Variants in HEMGN observed in about 807,000 individuals in gnomAD.
HEMGN encodes the protein hemogen, also known as erythroid differentiation-associated gene protein.
HEMGN carries 32 observed loss-of-function variants against 45.7 expected under a neutral mutation model. That is an observed-to-expected ratio of 0.70 (90% confidence interval 0.53 to 0.94). The LOEUF (loss-of-function observed/expected upper bound fraction) is 0.94. Ranked by LOEUF, HEMGN falls within the 40% of genes least tolerant of loss-of-function variation. The pLI, the probability that HEMGN is intolerant of heterozygous loss-of-function variation, is 0.00. For synonymous variants in HEMGN, 183 were observed against 178.6 expected (o/e 1.02, Z -0.20); for missense variants, 530 against 564.2 (o/e 0.94, Z 0.61).
upstream of HEMGN, among the ~76,000 whole-genome samples, chr9:97,942,174 G>A (rs528771851): frequency 6.6e-6 from 1 of 152,144 alleles, no homozygotes; most frequent in African/African-American, 2.4e-5. Context: ...TGAAGAAACT[G>A]GTGCTCAGTG....
In HEMGN at chr9:97,931,045, A is replaced by G; in HGVS notation, c.350T>C (p.Val117Ala). ...KTEPPGSITK[V>A]FPSVASPQKV... ...TTGCGGGGAGGCTACTGAAGGAAAT[A>G]CTTTGGTTATGCTCCCAGGTGGCTC... The change falls in exon 3 of 4, where the codon GTA becomes GCA. Residue 117 changes from valine (V) to alanine (A), a missense_variant. Physicochemically the swap from Val to Ala is moderately conservative, Grantham distance 64. Transcript: ENST00000616898. 6.2e-7 allele frequency: 1 copy of G among 1,614,122 alleles called. No individual in the cohort carries two copies. The highest frequency in any genetic ancestry group is 8.5e-7 in the Non-Finnish European group (1 of 1,180,020).
rs975186685 is a variant in HEMGN, at chr9:97,930,146, C to A, written c.1249G>T (p.Asp417Tyr). The change falls in exon 3 of 4, where the codon GAT becomes TAT. Residue 417 changes from aspartate (D) to tyrosine (Y), a missense_variant. Physicochemically the swap from Asp to Tyr is radical, Grantham distance 160. Transcript: ENST00000616898. Reference protein sequence around the residue: ...DLSTETYKNKDVPKECFPEPH... With the variant: ...DLSTETYKNKYVPKECFPEPH... ...TCTGGAAAGCATTCTTTAGGCACAT[C>A]CTTATTTTTATATGTCTCAGTAGAG... The A allele has an allele frequency of 6.2e-7, 1 of 1,614,026 alleles. No homozygotes were observed.
At chr9:97,940,552 AG>A (rs1827137751), upstream of HEMGN, among the ~76,000 whole-genome samples, 1 of 152,186 alleles carries the variant, frequency 6.6e-6, no homozygotes, top group Non-Finnish European at 1.5e-5. Flanking sequence ...AGTAGCCTAC[AG>A]TAAGTTTACA....
chr9:97,933,314 G>T (rs940565960), intron 2 of HEMGN, among the ~76,000 whole-genome samples: 3 of 152,156 alleles, frequency 2.0e-5, no homozygotes, highest in Non-Finnish European at 4.4e-5. Flanking sequence ...GTCAGGCACC[G>T]TTTAAATAAT....
At chr9:97,935,133 A>G (rs1165086660) in intron 2 of HEMGN, among the ~76,000 whole-genome samples, 1 of 152,222 alleles carries the variant, frequency 6.6e-6, no homozygotes, top group Non-Finnish European at 1.5e-5. Context: ...CTAGGAAAAA[A>G]TCATGAACCA....
At chr9:97,943,923 A>G (rs927987891) in intron 1 of HEMGN, among the ~76,000 whole-genome samples, 1 of 151,956 alleles carries the variant, frequency 6.6e-6, no homozygotes, top group Non-Finnish European at 1.5e-5. Flanking sequence ...CCTATCCTCC[A>G]TGAAATTTGC....
intron 3 of HEMGN, among the ~76,000 whole-genome samples, chr9:97,929,563 C>G (rs998412983): frequency 6.6e-6 from 1 of 152,108 alleles, no homozygotes; most frequent in Non-Finnish European, 1.5e-5. Flanking sequence ...TTTGGTAAAC[C>G]TGATAAATCC....
rs143351145 is a variant in HEMGN, at chr9:97,928,857, T to C, written c.1360+1178A>G. Reference sequence around the variant, plus strand: ...ATCATAAAGATGGCTGCAATACATATTGTAAATGAAAACAAAAACAAGTTA... The same window carrying C: ...ATCATAAAGATGGCTGCAATACATACTGTAAATGAAAACAAAAACAAGTTA... On this transcript the variant is annotated intron_variant, in intron 3 of 3. Transcript: ENST00000616898. Among the ~76,000 whole-genome samples, 416 of 152,316 alleles carry C rather than the reference T, an allele frequency of 2.7e-3. 4 individuals carry two copies. Among genetic ancestry groups the C allele is most frequent in the Non-Finnish European group, 2.8e-3 (189 of 68,036 alleles).
upstream of HEMGN, chr9:97,938,192 C>A: frequency 1.8e-6 from 2 of 1,113,728 alleles, no homozygotes; most frequent in East Asian, 2.4e-5. Flanking sequence ...AGCCTAGATG[C>A]TTTTTTAAAA....
upstream of HEMGN, among the ~76,000 whole-genome samples, chr9:97,940,417 A>G (rs564234378): frequency 1.3e-5 from 2 of 152,132 alleles, no homozygotes; most frequent in Non-Finnish European, 2.9e-5. Context: ...TCAAGTTAAC[A>G]GTAAATTGAA....
Position 97,930,525 on chromosome 9 carries a change from T to A in HEMGN, c.870A>T (p.Gly290=). Residue 290 remains glycine (G), a synonymous_variant, in exon 3 of 4, where the codon GGA becomes GGT. Transcript: ENST00000616898. ...GAAAAAGGCCTTCTGTCTCAGCTAT[T>A]CCTTGATCTGTTTCATTGTATTCCT... is the stretch of plus-strand genomic sequence containing the variant. ...EPEEYNETDQ[G]IAETEGLFPK... is the part of the protein sequence containing the mutation. 6.2e-7 allele frequency: 1 copy of A among 1,614,128 alleles called. No individual in the cohort carries two copies. Among genetic ancestry groups the A allele is most frequent in the Non-Finnish European group, 8.5e-7 (1 of 1,179,996 alleles).
intron 2 of HEMGN, among the ~76,000 whole-genome samples, chr9:97,933,158 C>T (rs968369130): frequency 6.6e-6 from 1 of 152,094 alleles, no homozygotes; most frequent in Non-Finnish European, 1.5e-5. Flanking sequence ...GCCTTGGTTT[C>T]CTTGTAAGTG....
At chr9:97,937,049 G>T in intron 1 of HEMGN, among the ~76,000 whole-genome samples, 1 of 152,136 alleles carries the variant, frequency 6.6e-6, no homozygotes. Flanking sequence ...GACCTCTAAA[G>T]AATAGAGCAT....
At chr9:97,933,546 C>G (rs550768447) in intron 2 of HEMGN, among the ~76,000 whole-genome samples, 1 of 152,154 alleles carries the variant, frequency 6.6e-6, no homozygotes, top group Non-Finnish European at 1.5e-5. Flanking sequence ...TGAGTTTACT[C>G]AGGGGTAGTG....
Position 97,927,204 on chromosome 9 carries a change from A to C in HEMGN, c.*180T>G. 2.1e-6 allele frequency: 1 copy of C among 476,228 alleles called. No homozygotes were observed. The highest frequency in any genetic ancestry group is 3.7e-6 in the Non-Finnish European group (1 of 267,828). The allele number at this position is 476,228 out of a possible 1,614,324, so 29.5% of individuals were successfully genotyped here. ...ACACACACACACACACACACATTCTAGCATGATATTGTCTATGTGGTAGAG... is the reference window on the plus strand; with the variant it reads ...ACACACACACACACACACACATTCTCGCATGATATTGTCTATGTGGTAGAG... On this transcript the variant is annotated 3_prime_UTR_variant, in exon 4 of 4. Coordinates refer to ENST00000616898, the MANE Select transcript of HEMGN (RefSeq NM_197978.3).
intron 3 of HEMGN, among the ~76,000 whole-genome samples, chr9:97,927,837 C>T (rs1479145125): frequency 6.6e-6 from 1 of 151,334 alleles, no homozygotes; most frequent in Non-Finnish European, 1.5e-5. Context: ...GTTTTTTAAT[C>T]GGAAAAAAGA....
chr9:97,941,771 G>T (rs779480803), upstream of HEMGN, among the ~76,000 whole-genome samples: 4 of 152,146 alleles, frequency 2.6e-5, no homozygotes, highest in Non-Finnish European at 2.9e-5. Flanking sequence ...AGCCAGTGAG[G>T]CAGAGGAAAA....
At chr9:97,936,408 A>G (rs960767397) in intron 1 of HEMGN, 144 bp from the exon 2 acceptor site, 6 of 633,156 alleles carry the variant, frequency 9.5e-6, no homozygotes, top group Non-Finnish European at 8.4e-6. Flanking sequence ...TTATCCTTGT[A>G]TCTCCAGAGA....
chr9:97,934,065 G>A (rs1827007746), intron 2 of HEMGN, among the ~76,000 whole-genome samples: 1 of 152,188 alleles, frequency 6.6e-6, no homozygotes, highest in Non-Finnish European at 1.5e-5. Flanking sequence ...TACCTGGACT[G>A]GCTGGGCACA....
Sources: allele counts gnomAD v4.1 joint callset (sites outside exome capture counted in the v4.1 genomes callset), GRCh38; gene constraint gnomAD v4.1.1; transcripts MANE v1.5; gene names NCBI Gene and HGNC (gene_info 2026-07-23, HGNC 2026-07-21).